ABCA4: variants seen among roughly 807,000 people sequenced by gnomAD.
The protein encoded by ABCA4 is ATP binding cassette subfamily A member 4, also known as retinal-specific phospholipid-transporting ATPase ABCA4.
In ABCA4, 196 loss-of-function variants were observed where a neutral mutation model predicts 263.7. The ratio of observed to expected loss-of-function variants is 0.74; its 90% confidence interval spans 0.66 to 0.84. The LOEUF (loss-of-function observed/expected upper bound fraction) is 0.84. Among genes scored for constraint, ABCA4 ranks in the 40% least tolerant of loss-of-function variants. The pLI is 0.00. For synonymous variants in ABCA4, 1,133 were observed against 1,094.2 expected (o/e 1.04, Z -0.70); for missense variants, 2,792 against 2,855.1 (o/e 0.98, Z 0.50).
chr1:94,003,807 T>G (rs1398045220), intron 44 of ABCA4, among the ~76,000 whole-genome samples: 1 of 152,024 alleles, frequency 6.6e-6, no homozygotes, highest in Non-Finnish European at 1.5e-5. Flanking sequence ...CTAATTTGTT[T>G]GCTAATTTTT....
rs747439462 is a variant in ABCA4 at position 94,029,564 on chromosome 1, A to G, written c.4420T>C (p.Phe1474Leu). ...PSVSPNITQL[F>L]QKQKWTQVNP... ...ACCTGTGTCCATTTCTGCTTCTGGA[A>G]CAGCTGGGTGATGTTTGGGGACACA... is the stretch of plus-strand genomic sequence containing the variant. Residue 1474 changes from phenylalanine to leucine, a missense_variant, in exon 30 of 50, where the codon TTC becomes CTC. By Grantham distance (22) the Phe-to-Leu change is conservative. Transcript: ENST00000370225. 6.2e-7 allele frequency: 1 copy of G among 1,613,814 alleles called. No individual in the cohort carries two copies. The highest frequency in any genetic ancestry group is 8.5e-7 in the Non-Finnish European group (1 of 1,179,880).
chr1:94,025,010 C>G lies in ABCA4; in HGVS notation c.4578G>C (p.Thr1526=). ...CCAAGAAGTCGGAGATGTTCCTGTC[C>G]GTCAGGTCTTGTAGAATTTCCGTGC... The part of the protein sequence containing the change: ...QRSTEILQDL[T]DRNISDFLVK... The change falls in exon 31 of 50, where the codon ACG becomes ACC. Residue 1526 remains threonine, a synonymous_variant. Coordinates refer to ENST00000370225, the MANE Select transcript of ABCA4 (RefSeq NM_000350.3). 2 of 1,614,146 alleles carry G rather than the reference C, an allele frequency of 1.2e-6. No homozygotes were observed. The highest frequency in any genetic ancestry group is 1.1e-5 in the South Asian group (1 of 91,078).
intron 15 of ABCA4, 34 bp from the exon 16 acceptor site, chr1:94,055,349 C>A: frequency 1.9e-6 from 3 of 1,606,256 alleles, no homozygotes; most frequent in Non-Finnish European, 2.6e-6. Flanking sequence ...AGAAAAAGAG[C>A]AGTGCCTTTT....
chr1:94,006,645 C>T (rs941717009), intron 43 of ABCA4, among the ~76,000 whole-genome samples: 1 of 152,188 alleles, frequency 6.6e-6, no homozygotes, highest in Admixed American at 6.5e-5. Flanking sequence ...CCTGCCTGTC[C>T]CTTTTCTGTA....
chr1:94,040,131 C>A lies in ABCA4; in HGVS notation c.3523-4G>T, dbSNP rs752807421. ...TAGACGAGCAGCTGCAGGTCCCCTG[C>A]AACAGATGGATGGGATGACTGACAA... On this transcript the variant is annotated splice_polypyrimidine_tract_variant and splice_region_variant and intron_variant, in intron 23 of 49. Transcript: ENST00000370225. 25 of 1,603,700 alleles carry A rather than the reference C, an allele frequency of 1.6e-5. No homozygotes were observed. In the South Asian group the frequency reaches 2.7e-4, roughly 17 times the overall value.
At chr1:94,013,414 G>A (rs1659627141) in intron 38 of ABCA4, among the ~76,000 whole-genome samples, 1 of 152,234 alleles carries the variant, frequency 6.6e-6, no homozygotes, top group Non-Finnish European at 1.5e-5. Flanking sequence ...CCCCAGTGGG[G>A]CCCAGAGGCA....
At chr1:93,998,713 ATTTATTTTATTTTATTTTAT>A (rs374404349) in intron 47 of ABCA4, among the ~76,000 whole-genome samples, 4 of 133,634 alleles carry the variant, frequency 3.0e-5, no homozygotes, top group Non-Finnish European at 3.2e-5. Flanking sequence ...ATTTTATTTT[ATTTATTTTATTTTATTTTAT>A]TTTATTTTAT....
At position 94,080,695 on chromosome 1, in the gene ABCA4, C is replaced by T. The variant is rs1042772588; in HGVS notation, c.882G>A (p.Gln294=). The change falls in exon 8 of 50, where the codon CAG becomes CAA. Residue 294 remains glutamine, a synonymous_variant. Coordinates refer to ENST00000370225, the MANE Select transcript of ABCA4 (RefSeq NM_000350.3). The stretch of plus-strand genomic sequence containing the variant: ...GGGGCCTGGTCACCCACAGCAAGTC[C>T]TGCATACTCGGCCGATGGATAAACT... ...IQEFIHRPSM[Q]DLLWVTRPLM... The T allele has an allele frequency of 1.2e-6, 2 of 1,614,134 alleles. No individual in the cohort carries two copies. Among genetic ancestry groups the T allele is most frequent in the African/African-American group, 2.7e-5 (2 of 75,008 alleles).
chr1:94,099,858 C>T (rs1662239706), intron 5 of ABCA4, among the ~76,000 whole-genome samples: 1 of 152,200 alleles, frequency 6.6e-6, no homozygotes, highest in Admixed American at 6.5e-5. Flanking sequence ...TCCTAGGTAG[C>T]TCAAGGATAG....
At chr1:94,083,727 A>G (rs1460836785) in intron 6 of ABCA4, among the ~76,000 whole-genome samples, 1 of 152,210 alleles carries the variant, frequency 6.6e-6, no homozygotes, top group Admixed American at 6.5e-5. Flanking sequence ...TTGCTGTTTT[A>G]GTGACACCAA....
At chr1:94,097,052 T>G (rs536678285) in intron 6 of ABCA4, among the ~76,000 whole-genome samples, 4 of 152,368 alleles carry the variant, frequency 2.6e-5, no homozygotes, top group African/African-American at 9.6e-5. Context: ...CTCTTCTGTC[T>G]GATTCTGAAA....
intron 6 of ABCA4, among the ~76,000 whole-genome samples, chr1:94,095,271 G>A (rs1176768296): frequency 1.3e-5 from 2 of 151,362 alleles, no homozygotes; most frequent in African/African-American, 2.4e-5. Context: ...GGTCTCAGTC[G>A]GTGCTAACCC....
intron 1 of ABCA4, among the ~76,000 whole-genome samples, chr1:94,119,674 G>C (rs543649157): frequency 6.6e-6 from 1 of 152,032 alleles, no homozygotes; most frequent in South Asian, 2.1e-4. Context: ...CAGCCCTAGG[G>C]GTGGGAGCTG....
At chr1:94,096,287 A>G (rs528958702) in intron 6 of ABCA4, among the ~76,000 whole-genome samples, 2 of 152,248 alleles carry the variant, frequency 1.3e-5, no homozygotes, top group East Asian at 3.9e-4. Flanking sequence ...ACATTGAATC[A>G]CTGGGGAAGC....
intron 35 of ABCA4, among the ~76,000 whole-genome samples, chr1:94,020,431 T>C (rs1659864298): frequency 6.6e-6 from 1 of 152,208 alleles, no homozygotes; most frequent in African/African-American, 2.4e-5. Context: ...AGGTATCCTA[T>C]GTGGTAGTCA....
At chr1:94,066,302 A>T (rs1202755322) in intron 11 of ABCA4, among the ~76,000 whole-genome samples, 1 of 152,252 alleles carries the variant, frequency 6.6e-6, no homozygotes, top group Non-Finnish European at 1.5e-5. Context: ...ATACATTTTT[A>T]AAATATGCAT....
rs75359153 is a variant in ABCA4 at position 94,030,414 on chromosome 1, G to A, written c.4352+14C>T. 7.3e-4 allele frequency: 1,177 copies of A among 1,613,004 alleles called. 4 individuals carry two copies. The African/African-American group carries it at 0.01, about 14-fold the overall frequency. ...GAGCTAGTCTTCTTAGGACAGGGGC[G>A]CGTAGGCACTTACGGAAGCCACCCT... is the stretch of plus-strand genomic sequence containing the variant. On this transcript the variant is annotated intron_variant, in intron 29 of 49. Coordinates refer to ENST00000370225, the MANE Select transcript of ABCA4 (RefSeq NM_000350.3).
At chr1:94,005,272 C>T in intron 44 of ABCA4, 169 bp downstream of exon 44, 1 of 848,852 alleles carries the variant, frequency 1.2e-6, no homozygotes, top group Non-Finnish European at 1.8e-6. Flanking sequence ...CTGCTATACT[C>T]CTGGTTTCTA....
At chr1:94,058,622 A>G (rs191118622) in intron 14 of ABCA4, among the ~76,000 whole-genome samples, 68 of 152,336 alleles carry the variant, frequency 4.5e-4, no homozygotes, top group African/African-American at 1.6e-3. Flanking sequence ...TCTGTCTCCC[A>G]AAGTATTAGG....
Sources: allele counts gnomAD v4.1 joint callset (sites outside exome capture counted in the v4.1 genomes callset), GRCh38; gene constraint gnomAD v4.1.1; transcripts MANE v1.5; gene names NCBI Gene and HGNC (gene_info 2026-07-23, HGNC 2026-07-21).